Variants in RARB observed in about 807,000 individuals in gnomAD.
RARB encodes retinoic acid receptor beta, also known as HBV-activated protein.
In RARB, 17 loss-of-function variants were observed where a neutral mutation model predicts 51.9. The ratio of observed to expected loss-of-function variants is 0.33; its 90% CI spans 0.22 to 0.49. The LOEUF is 0.49. RARB is among the 20% of genes least tolerant of loss of function. The pLI, the probability that RARB is intolerant of heterozygous loss-of-function variation, is 0.99. For missense variants in RARB, 369 were observed against 550.8 expected (o/e 0.67, Z 3.30); for synonymous variants, 215 against 195.4 (o/e 1.10, Z -0.84).
At chr3:25,508,278 T>C (rs1204591885) in intron 3 of RARB, among the ~76,000 whole-genome samples, 1 of 152,218 alleles carries the variant, frequency 6.6e-6, no homozygotes, top group African/African-American at 2.4e-5. Flanking sequence ...ATTTATACTT[T>C]AGACATGAAC....
chr3:25,353,406 A>G (rs1705636667), intron 5 of RARB, among the ~76,000 whole-genome samples: 3 of 152,190 alleles, frequency 2.0e-5, no homozygotes. Flanking sequence ...GACAAACATT[A>G]CACTGGACCC....
intron 5 of RARB, among the ~76,000 whole-genome samples, chr3:25,303,508 G>A (rs1693898817): frequency 6.6e-6 from 1 of 152,176 alleles, no homozygotes; most frequent in South Asian, 2.1e-4. Context: ...GTGCCAAAAT[G>A]AAGACCCGTG....
chr3:24,912,366 A>G (rs1295658995), intron 2 of RARB, among the ~76,000 whole-genome samples: 1 of 152,198 alleles, frequency 6.6e-6, no homozygotes, highest in African/African-American at 2.4e-5. Context: ...GTTATGAAGA[A>G]TATGTTAAAT....
chr3:25,174,356 G>T lies in RARB; in HGVS notation c.-42G>T. The T allele has an allele frequency of 3.0e-6, 4 of 1,340,898 alleles. No individual in the cohort carries two copies. In the South Asian group the frequency reaches 3.4e-5, roughly 11 times the overall value. 83.1% of individuals were successfully genotyped at this position (1,340,898 alleles called of 1,614,324 possible). A position where few individuals can be genotyped will look rare whatever the true frequency, so the allele number is the denominator to read the frequency against. On this transcript the variant is annotated 5_prime_UTR_variant, in exon 5 of 12. Transcript: ENST00000383772. The stretch of plus-strand genomic sequence containing the variant: ...TTTGGTTTAAGACCTGGAGTGATGT[G>T]TTCCTGCTCCAGAGCACCTTTCTTT...
intron 4 of RARB, among the ~76,000 whole-genome samples, chr3:25,164,043 G>T (rs992860597): frequency 1.3e-5 from 2 of 152,108 alleles, no homozygotes; most frequent in Non-Finnish European, 2.9e-5. Context: ...CAGAGGTGTA[G>T]GTCAGGGTTG....
intron 5 of RARB, among the ~76,000 whole-genome samples, chr3:25,257,930 C>G (rs1169787252): frequency 6.6e-6 from 1 of 152,066 alleles, no homozygotes; most frequent in Non-Finnish European, 1.5e-5. Flanking sequence ...TTAGTTGAGC[C>G]CCTTCATCAT....
intron 2 of RARB, among the ~76,000 whole-genome samples, chr3:24,986,556 G>C (rs1433630947): frequency 6.6e-6 from 1 of 152,196 alleles, no homozygotes; most frequent in African/African-American, 2.4e-5. Flanking sequence ...ATTAATAGTA[G>C]TTAATGTTGT....
intron 3 of RARB, among the ~76,000 whole-genome samples, chr3:25,120,807 A>G (rs1446659208): frequency 6.6e-6 from 1 of 152,144 alleles, no homozygotes; most frequent in East Asian, 1.9e-4. Context: ...GAATCCTCAC[A>G]TCATTGCCCT....
intron 1 of RARB, among the ~76,000 whole-genome samples, chr3:25,454,087 G>C (rs1218857864): frequency 6.6e-6 from 1 of 152,230 alleles, no homozygotes; most frequent in African/African-American, 2.4e-5. Flanking sequence ...AATTAAGTGA[G>C]TGACAGTATG....
At chr3:24,938,199 A>C (rs1371767945) in intron 2 of RARB, among the ~76,000 whole-genome samples, 1 of 152,184 alleles carries the variant, frequency 6.6e-6, no homozygotes, top group Non-Finnish European at 1.5e-5. Context: ...TGTTAAGTTG[A>C]ACCATATGAA....
intron 2 of RARB, among the ~76,000 whole-genome samples, chr3:24,889,652 A>C (rs1269103962): frequency 6.7e-6 from 1 of 148,834 alleles, no homozygotes; most frequent in Non-Finnish European, 1.5e-5. Flanking sequence ...CACCTCCAAC[A>C]AATGTATTGA....
At chr3:25,289,222 TC>T (rs952416674) in intron 5 of RARB, among the ~76,000 whole-genome samples, 5 of 152,224 alleles carry the variant, frequency 3.3e-5, no homozygotes, top group African/African-American at 1.2e-4. Context: ...GTTTTTTCAT[TC>T]ACCAAAATGG....
intron 3 of RARB, among the ~76,000 whole-genome samples, chr3:25,104,752 A>G (rs1305790059): frequency 6.6e-6 from 1 of 152,248 alleles, no homozygotes; most frequent in African/African-American, 2.4e-5. Context: ...ATATACCCAC[A>G]ACAGTAGAAC....
chr3:25,145,870 G>C (rs1474849065), intron 4 of RARB, among the ~76,000 whole-genome samples: 1 of 151,826 alleles, frequency 6.6e-6, no homozygotes, highest in South Asian at 2.1e-4. Context: ...GGCATGGTAG[G>C]GGGTGCCTAT....
At chr3:25,345,813 G>T in intron 5 of RARB, 1 of 577,582 alleles carries the variant, frequency 1.7e-6, no homozygotes, top group Non-Finnish European at 2.2e-6. Flanking sequence ...GAAATGAACT[G>T]TATCAGTTAA....
At chr3:24,839,248 A>T (rs1221120555) in intron 1 of RARB, among the ~76,000 whole-genome samples, 1 of 152,166 alleles carries the variant, frequency 6.6e-6, no homozygotes, top group Non-Finnish European at 1.5e-5. Context: ...AATATAAACA[A>T]AAAATAAGGA....
intron 2 of RARB, among the ~76,000 whole-genome samples, chr3:25,040,399 T>C (rs1355227483): frequency 6.6e-6 from 1 of 152,156 alleles, no homozygotes; most frequent in East Asian, 1.9e-4. Context: ...TTTTACATTA[T>C]GATTGTTCAA....
chr3:25,271,223 G>A (rs536692388), intron 5 of RARB, among the ~76,000 whole-genome samples: 1 of 152,124 alleles, frequency 6.6e-6, no homozygotes, highest in South Asian at 2.1e-4. Context: ...AATACTGTCA[G>A]GTATTTAAGA....
intron 1 of RARB, among the ~76,000 whole-genome samples, chr3:24,836,226 G>C (rs571379216): frequency 1.3e-3 from 201 of 152,294 alleles, no homozygotes; most frequent in African/African-American, 4.1e-3. Flanking sequence ...TTTGTGAATG[G>C]AGGCAATTGG....
Sources: allele counts gnomAD v4.1 joint callset (sites outside exome capture counted in the v4.1 genomes callset), GRCh38; gene constraint gnomAD v4.1.1; transcripts MANE v1.5; gene names NCBI Gene and HGNC (gene_info 2026-07-23, HGNC 2026-07-21).